The following SPATA18 variants were observed in gnomAD, a reference collection of about 807,000 sequenced individuals.
SPATA18 encodes the protein spermatogenesis associated 18, also known as mitochondria-eating protein.
Under a neutral mutation model 68.1 loss-of-function variants are expected in SPATA18, and 54 were observed. The ratio of observed to expected loss-of-function variants is 0.79; its 90% confidence interval spans 0.64 to 0.99. The LOEUF is 0.99. Ranked by LOEUF, SPATA18 falls within the 50% of genes least tolerant of loss-of-function variation. The pLI is 0.00. For missense variants in SPATA18, 724 were observed against 681.1 expected (o/e 1.06, Z -0.70); for synonymous variants, 242 against 244.8 (o/e 0.99, Z 0.11).
chr4:52,052,164 A>G (rs1443038545), intron 1 of SPATA18, among the ~76,000 whole-genome samples: 2 of 152,260 alleles, frequency 1.3e-5, no homozygotes, highest in African/African-American at 4.8e-5. Flanking sequence ...TGCCAGCGCA[A>G]TCCACACCGC....
rs771041726 is a variant in SPATA18, at chr4:52,078,894, G to T, written c.1179+1G>T. On this transcript the variant is annotated splice_donor_variant, in intron 8 of 12. Coordinates refer to ENST00000295213, the MANE Select transcript of SPATA18 (RefSeq NM_145263.4). LOFTEE classifies it high-confidence loss of function. ...ATATGATTCTCAAAGCAGTGTCAAT[G>T]TAAGTGTTGAGTCTTTTATTAGGAC... The T allele has an allele frequency of 6.4e-7, 1 of 1,573,648 alleles. No individual in the cohort carries two copies. Among genetic ancestry groups the T allele is most frequent in the Middle Eastern group, 1.7e-4 (1 of 5,914 alleles).
chr4:52,052,905 C>T (rs2109396060), intron 1 of SPATA18, among the ~76,000 whole-genome samples: 1 of 152,326 alleles, frequency 6.6e-6, no homozygotes, highest in East Asian at 1.9e-4. Flanking sequence ...CTTTCTAGTG[C>T]TTCCTGTTCA....
chr4:52,066,358 G>T (rs564010394), intron 4 of SPATA18, among the ~76,000 whole-genome samples: 188 of 152,172 alleles, frequency 1.2e-3, no homozygotes, highest in Middle Eastern at 3.4e-3. Flanking sequence ...CACCATGTTA[G>T]CCAGGATGGT....
chr4:52,052,075 A>T (rs1476418275), intron 1 of SPATA18, among the ~76,000 whole-genome samples: 1 of 152,126 alleles, frequency 6.6e-6, no homozygotes, highest in Non-Finnish European at 1.5e-5. Flanking sequence ...GTAACTAAGG[A>T]CGCCGGCGAC....
intron 11 of SPATA18, among the ~76,000 whole-genome samples, chr4:52,093,989 T>G (rs1443847342): frequency 6.6e-6 from 1 of 152,232 alleles, no homozygotes. Context: ...GGATTCCATC[T>G]TTATCAGCAT....
chr4:52,077,969 T>C (rs1740541905), intron 7 of SPATA18, among the ~76,000 whole-genome samples: 1 of 152,182 alleles, frequency 6.6e-6, no homozygotes, highest in South Asian at 2.1e-4. Context: ...CTGAACTTTA[T>C]CCTGTATTTA....
At position 52,079,769 on chromosome 4, in the gene SPATA18, A is replaced by G. The variant is rs766996981; in HGVS notation, c.1205A>G (p.Asn402Ser). ...VNDVIRAMNV[N>S]PKISFPPVVD... ...GATGTGATCCGAGCCATGAATGTCA[A>G]TCCCAAGATTTCATTCCCTCCTGTC... Residue 402 changes from asparagine to serine, a missense_variant, in exon 9 of 13, where the codon AAT becomes AGT. By Grantham distance (46) the Asn-to-Ser change is conservative. Coordinates refer to ENST00000295213, the MANE Select transcript of SPATA18 (RefSeq NM_145263.4). 8 of 1,613,824 alleles carry G rather than the reference A, an allele frequency of 5.0e-6. No homozygotes were observed. Among genetic ancestry groups the G allele is most frequent in the South Asian group, 1.1e-5 (1 of 91,056 alleles).
chr4:52,081,396 C>T (rs1416461452), intron 9 of SPATA18, among the ~76,000 whole-genome samples: 1 of 152,232 alleles, frequency 6.6e-6, no homozygotes. Context: ...GCCTTTTGTA[C>T]ATTTGAAAGC....
rs1185586078 is a variant in SPATA18 at position 52,077,168 on chromosome 4, C to T, written c.1020+128C>T. 9.1e-6 allele frequency: 9 copies of T among 994,214 alleles called. No homozygotes were observed. The East Asian group carries it at 1.1e-4, about 12-fold the overall frequency. 61.6% of individuals were successfully genotyped at this position (994,214 alleles called of 1,614,324 possible). On this transcript the variant is annotated intron_variant, in intron 7 of 12. Coordinates refer to ENST00000295213, the MANE Select transcript of SPATA18 (RefSeq NM_145263.4). ...CTGAAGTGGGGGAGATTCCAGTCTC[C>T]CCATCTGTCTCCTTCCTTCTCTTTC... is the stretch of plus-strand genomic sequence containing the variant.
chr4:52,059,895 A>G (rs1738676030), intron 1 of SPATA18, among the ~76,000 whole-genome samples: 2 of 152,200 alleles, frequency 1.3e-5, no homozygotes, highest in African/African-American at 4.8e-5. Flanking sequence ...TAACAGGTCT[A>G]TTTACTTTTT....
intron 6 of SPATA18, among the ~76,000 whole-genome samples, chr4:52,075,627 C>A (rs1277085358): frequency 2.0e-5 from 3 of 152,146 alleles, no homozygotes; most frequent in African/African-American, 7.2e-5. Flanking sequence ...TCAGATGGCT[C>A]CTGAGTGATT....
intron 1 of SPATA18, among the ~76,000 whole-genome samples, chr4:52,053,088 C>T (rs1409231847): frequency 5.3e-5 from 8 of 152,086 alleles, no homozygotes; most frequent in Admixed American, 5.2e-4. Context: ...AACATGTATA[C>T]AGTATTTACC....
chr4:52,079,175 G>A (rs1740686283), intron 8 of SPATA18, among the ~76,000 whole-genome samples: 1 of 152,212 alleles, frequency 6.6e-6, no homozygotes, highest in East Asian at 1.9e-4. Flanking sequence ...GGAAAAGTAT[G>A]TATGGATTTG....
intron 10 of SPATA18, among the ~76,000 whole-genome samples, chr4:52,084,714 T>C (rs1343492117): frequency 6.6e-6 from 1 of 152,204 alleles, no homozygotes; most frequent in Non-Finnish European, 1.5e-5. Flanking sequence ...TGGGATTATA[T>C]TTAAAAAGTA....
At chr4:52,078,184 A>C (rs1352587912) in intron 7 of SPATA18, among the ~76,000 whole-genome samples, 1 of 152,044 alleles carries the variant, frequency 6.6e-6, no homozygotes, top group Non-Finnish European at 1.5e-5. Flanking sequence ...GTATTGAAAA[A>C]CGTTTGCCAT....
rs1742307032 is a variant in SPATA18, at chr4:52,094,930, T to G, written c.*43T>G. The G allele has an allele frequency of 6.2e-7, 1 of 1,613,430 alleles. No individual in the cohort carries two copies. Among genetic ancestry groups the G allele is most frequent in the African/African-American group, 1.3e-5 (1 of 74,934 alleles). ...CTTTGACCCAGTGCGTGGAAACAGC[T>G]GCTTTCTCCAGTGCCGCCATCTGTC... On this transcript the variant is annotated 3_prime_UTR_variant, in exon 13 of 13. Coordinates refer to ENST00000295213, the MANE Select transcript of SPATA18 (RefSeq NM_145263.4).
At chr4:52,075,750 C>T (rs983181342) in intron 6 of SPATA18, among the ~76,000 whole-genome samples, 1 of 152,336 alleles carries the variant, frequency 6.6e-6, no homozygotes, top group South Asian at 2.1e-4. Context: ...CCGGCATCAG[C>T]GGCCCGGTAT....
chr4:52,086,027 G>A (rs17081804), intron 11 of SPATA18, among the ~76,000 whole-genome samples: 6,814 of 152,252 alleles, frequency 0.045, 414 homozygotes, highest in African/African-American at 0.14. Context: ...ACCAAGACAT[G>A]TGGACACCAA....
intron 4 of SPATA18, among the ~76,000 whole-genome samples, chr4:52,065,666 C>T (rs1254992497): frequency 6.6e-6 from 1 of 152,204 alleles, no homozygotes; most frequent in Admixed American, 6.5e-5. Flanking sequence ...TCTCTCTTCC[C>T]TCCCTTACTT....
Sources: allele counts gnomAD v4.1 joint callset (sites outside exome capture counted in the v4.1 genomes callset), GRCh38; gene constraint gnomAD v4.1.1; transcripts MANE v1.5; gene names NCBI Gene and HGNC (gene_info 2026-07-23, HGNC 2026-07-21).